Variants in SEMA3A observed in about 807,000 individuals in gnomAD.
SEMA3A encodes the protein semaphorin 3A, also known as semaphorin-3A.
SEMA3A carries 29 observed loss-of-function variants against 97.9 expected under a neutral mutation model. The ratio of observed to expected loss-of-function variants is 0.30; its 90% CI spans 0.22 to 0.40. SEMA3A has a LOEUF of 0.40. SEMA3A is among the 10% of genes least tolerant of loss of function. The probability of loss-of-function intolerance (pLI) is 1.00; values close to 1 mark genes in which losing one functional copy is unlikely to be tolerated. For missense variants in SEMA3A, 763 were observed against 951.3 expected (o/e 0.80, Z 2.60); for synonymous variants, 321 against 323.7 (o/e 0.99, Z 0.09).
Position 84,054,446 on chromosome 7 carries a change from G to A in SEMA3A, c.547+6019C>T, listed in dbSNP as rs956487139. Among the ~76,000 whole-genome samples the A allele has an allele frequency of 9.3e-5, 14 of 151,220 alleles. No individual in the cohort carries two copies. The South Asian group carries it at 1.7e-3, about 18-fold the overall frequency. On this transcript the variant is annotated intron_variant, in intron 5 of 16. Transcript: ENST00000265362. ...CTTTTTTCTCTAAACTTCCCTTCTC[G>A]CTTCATTTCATCTTCCATCGCTGAT...
intron 12 of SEMA3A, among the ~76,000 whole-genome samples, chr7:83,987,672 A>G (rs1789694323): frequency 6.6e-6 from 1 of 152,200 alleles, no homozygotes; most frequent in South Asian, 2.1e-4. Flanking sequence ...GAATGAATAA[A>G]TGAACGAATT....
chr7:84,311,476 C>T (rs77289558), intron 2 of SEMA3A, among the ~76,000 whole-genome samples: 3,984 of 151,842 alleles, frequency 0.026, 178 homozygotes, highest in African/African-American at 0.091. Flanking sequence ...ATAATGAATG[C>T]TTAGCAAATG....
chr7:84,463,011 TTAATA>T (rs1423049104), intron 1 of SEMA3A, among the ~76,000 whole-genome samples: 9 of 152,110 alleles, frequency 5.9e-5, no homozygotes, highest in Non-Finnish European at 1.0e-4. Flanking sequence ...TTCTTCCATC[TTAATA>T]AATTTCTTCT....
chr7:84,412,157 A>G (rs1804287309), intron 1 of SEMA3A, among the ~76,000 whole-genome samples: 2 of 152,128 alleles, frequency 1.3e-5, no homozygotes, highest in African/African-American at 4.8e-5. Flanking sequence ...CCTATTGATG[A>G]AAGGTTGGCA....
intron 1 of SEMA3A, among the ~76,000 whole-genome samples, chr7:84,459,440 C>A (rs1188524959): frequency 1.3e-5 from 2 of 152,092 alleles, no homozygotes; most frequent in Non-Finnish European, 2.9e-5. Flanking sequence ...CTCTAAAGAA[C>A]TTAAGATATT....
chr7:84,270,500 T>TTC (rs200105983), intron 3 of SEMA3A, among the ~76,000 whole-genome samples: 8 of 148,000 alleles, frequency 5.4e-5, no homozygotes, highest in Non-Finnish European at 7.5e-5. Context: ...TTTTCTTTCT[T>TTC]TCTCTCTCTC....
chr7:84,190,317 C>A (rs1463411977), intron 1 of SEMA3A, among the ~76,000 whole-genome samples: 1 of 151,548 alleles, frequency 6.6e-6, no homozygotes, highest in Non-Finnish European at 1.5e-5. Flanking sequence ...CCAGGGTATA[C>A]TTGTTGAATA....
chr7:84,186,525 T>C (rs1213204534), intron 1 of SEMA3A, among the ~76,000 whole-genome samples: 2 of 152,174 alleles, frequency 1.3e-5, no homozygotes, highest in Non-Finnish European at 2.9e-5. Flanking sequence ...CTGACCCATA[T>C]TATGAAGATT....
chr7:84,371,453 T>G (rs1007552501), intron 2 of SEMA3A, among the ~76,000 whole-genome samples: 2 of 151,892 alleles, frequency 1.3e-5, no homozygotes, highest in Non-Finnish European at 2.9e-5. Context: ...AATTTTGAAT[T>G]TTTATGTAAA....
chr7:84,012,723 C>T (rs1299771134), intron 7 of SEMA3A, among the ~76,000 whole-genome samples: 1 of 152,118 alleles, frequency 6.6e-6, no homozygotes, highest in Admixed American at 6.6e-5. Flanking sequence ...TTGAAAATCT[C>T]ACCTTGAAGA....
intron 1 of SEMA3A, among the ~76,000 whole-genome samples, chr7:84,191,918 T>G (rs1234708739): frequency 6.6e-6 from 1 of 151,886 alleles, no homozygotes; most frequent in African/African-American, 2.4e-5. Flanking sequence ...TTATTAGATA[T>G]GTACACCCGC....
intron 2 of SEMA3A, among the ~76,000 whole-genome samples, chr7:84,363,307 G>T (rs944982628): frequency 6.6e-6 from 1 of 151,936 alleles, no homozygotes; most frequent in African/African-American, 2.4e-5. Flanking sequence ...ACAGTTCAGT[G>T]ATCTAAAGTT....
chr7:84,264,763 G>GTCT (rs990828357), intron 3 of SEMA3A, among the ~76,000 whole-genome samples: 1 of 152,168 alleles, frequency 6.6e-6, no homozygotes, highest in African/African-American at 2.4e-5. Context: ...GGCAGACTCA[G>GTCT]TCTTCTATCT....
At chr7:84,315,456 T>C (rs777840255) in intron 2 of SEMA3A, among the ~76,000 whole-genome samples, 1 of 152,198 alleles carries the variant, frequency 6.6e-6, no homozygotes. Flanking sequence ...TTAAGTCATA[T>C]AATCATTGTA....
Position 83,961,718 on chromosome 7 carries a change from T to C in SEMA3A, c.1969A>G (p.Ile657Val). The C allele has an allele frequency of 6.2e-7, 1 of 1,613,716 alleles. No individual in the cohort carries two copies. Among genetic ancestry groups the C allele is most frequent in the Non-Finnish European group, 8.5e-7 (1 of 1,179,852 alleles). ...YLCHAVEHGF[I>V]QTLLKVTLEV... is the part of the protein sequence containing the mutation. ...AGGGTTACCTTAAGAAGAGTTTGTA[T>C]GAACCCATGTTCCACCGCATGGCAG... Residue 657 changes from isoleucine to valine, a missense_variant, in exon 17 of 17, where the codon ATA (isoleucine) becomes GTA (valine). This residue lies in a region of SEMA3A where 678 missense variants were observed against 881.3 expected (regional missense o/e 0.77). Transcript: ENST00000265362.
At chr7:84,169,916 A>G (rs935092930) in intron 1 of SEMA3A, among the ~76,000 whole-genome samples, 4 of 151,928 alleles carry the variant, frequency 2.6e-5, no homozygotes, top group African/African-American at 9.7e-5. Flanking sequence ...AAATAGCTTC[A>G]TACTTAACAA....
At chr7:84,414,363 A>G (rs1005737325) in intron 1 of SEMA3A, among the ~76,000 whole-genome samples, 1 of 151,808 alleles carries the variant, frequency 6.6e-6, no homozygotes, top group Non-Finnish European at 1.5e-5. Context: ...CAACAAAAGT[A>G]ATCAGCACAT....
chr7:84,141,367 C>T (rs1168412133), intron 1 of SEMA3A, among the ~76,000 whole-genome samples: 1 of 152,158 alleles, frequency 6.6e-6, no homozygotes, highest in Non-Finnish European at 1.5e-5. Flanking sequence ...TGTTTCCAAG[C>T]TCTTCTTCCA....
intron 15 of SEMA3A, among the ~76,000 whole-genome samples, chr7:83,971,494 T>A (rs1424275023): frequency 6.6e-6 from 1 of 151,838 alleles, no homozygotes; most frequent in Non-Finnish European, 1.5e-5. Flanking sequence ...CAAATAAAAG[T>A]CTACAGTATA....
Sources: gnomAD v4.1 joint callset for allele counts (sites outside exome capture counted in the v4.1 genomes callset) on GRCh38, gnomAD v4.1.1 for gene constraint, gnomAD v4.1.1 regional missense constraint, MANE v1.5 for transcripts, NCBI Gene and HGNC (gene_info 2026-07-23, HGNC 2026-07-21) for gene names.